The following STRADA variants were observed in gnomAD, a reference collection of about 807,000 sequenced individuals.
The protein encoded by STRADA is STE20 related adaptor alpha, also known as STE20-related kinase adapter protein alpha.
In STRADA, 26 loss-of-function variants were observed where a neutral mutation model predicts 55.0. The ratio of observed to expected loss-of-function variants is 0.47; its 90% CI spans 0.35 to 0.66. The LOEUF (loss-of-function observed/expected upper bound fraction) is 0.66. Among genes scored for constraint, STRADA ranks in the 30% least tolerant of loss-of-function variants. The pLI is 0.01. For synonymous variants in STRADA, 197 were observed against 210.9 expected, an observed-to-expected ratio of 0.93 and a Z score of 0.57; for missense variants, 443 against 549.7, an observed-to-expected ratio of 0.81 and a Z score of 1.94.
At chr17:63,732,998 C>G (rs2038176598) in intron 1 of STRADA, among the ~76,000 whole-genome samples, 1 of 152,214 alleles carries the variant, frequency 6.6e-6, no homozygotes, top group Admixed American at 6.5e-5. Context: ...TGCGATTCTC[C>G]TGCCTCGGCC....
At chr17:63,733,293 A>T (rs2038196940) in intron 1 of STRADA, among the ~76,000 whole-genome samples, 1 of 152,220 alleles carries the variant, frequency 6.6e-6, no homozygotes, top group Admixed American at 6.5e-5. Flanking sequence ...TGTTTAAGAC[A>T]TATGGGTCAT....
At chr17:63,740,107 T>TATATATATATATATATATATACATAC (rs1309095081) in intron 1 of STRADA, among the ~76,000 whole-genome samples, 2 of 49,650 alleles carry the variant, frequency 4.0e-5, no homozygotes, top group African/African-American at 1.9e-4. Flanking sequence ...TATATATATA[T>TATATATATATATATATATATACATAC]ACATACATAC....
chr17:63,711,448 T>G (rs981124600), intron 6 of STRADA, among the ~76,000 whole-genome samples: 2 of 152,170 alleles, frequency 1.3e-5, no homozygotes, highest in Middle Eastern at 3.2e-3. Flanking sequence ...CTTCCCAGGC[T>G]CAAGTCATCC....
At position 63,740,133 on chromosome 17, in the gene STRADA, T is replaced by TAC. The variant is rs2038807736; in HGVS notation, c.-45+1606_-45+1607dup. Among the ~76,000 whole-genome samples, 13 of 36,830 alleles carry TAC rather than the reference T, an allele frequency of 3.5e-4. 1 individual carries two copies. Among genetic ancestry groups the TAC allele is most frequent in the South Asian group, 1.6e-3 (1 of 642 alleles). The allele number at this position is 36,830 out of a possible 152,430, so 24.2% of individuals were successfully genotyped here. A position where few individuals can be genotyped will look rare whatever the true frequency, so the allele number is the denominator to read the frequency against. ...ACATACATACATATATATATACACA[T>TAC]ACATATATATATATACACACACACA... On this transcript the variant is annotated intron_variant, in intron 1 of 12. Transcript: ENST00000336174.
chr17:63,704,316 C>G, intron 11 of STRADA, 25 bp downstream of exon 11: 2 of 1,610,676 alleles, frequency 1.2e-6, no homozygotes, highest in Non-Finnish European at 1.7e-6. Flanking sequence ...TCTCCCGAAG[C>G]CCAGGCCCAG....
At chr17:63,717,053 T>C (rs973328382) in intron 4 of STRADA, 4 of 152,302 alleles carry the variant, frequency 2.6e-5, no homozygotes, top group African/African-American at 9.6e-5. Flanking sequence ...TGAGATAAAA[T>C]ATGTTAAGAG....
intron 8 of STRADA, 94 bp from the exon 9 acceptor site, chr17:63,707,512 TGTGTGC>T: frequency 1.7e-6 from 2 of 1,180,636 alleles, no homozygotes; most frequent in Non-Finnish European, 2.5e-6. Context: ...AGCTCTCTCC[TGTGTGC>T]GTGTGTTATA....
intron 1 of STRADA, among the ~76,000 whole-genome samples, chr17:63,728,829 T>C (rs1007106941): frequency 1.5e-4 from 23 of 150,668 alleles, no homozygotes; most frequent in African/African-American, 4.7e-4. Flanking sequence ...GAGATGGAGA[T>C]TGCAGTGAGC....
intron 1 of STRADA, among the ~76,000 whole-genome samples, chr17:63,734,149 A>T (rs2038257842): frequency 6.6e-6 from 1 of 152,254 alleles, no homozygotes; most frequent in Non-Finnish European, 1.5e-5. Context: ...AAGGCTGGCC[A>T]ATGGATGGCT....
At position 63,703,387 on chromosome 17, in the gene STRADA, GT is replaced by G. The variant is rs1427144772; in HGVS notation, c.*211del. 1.8e-6 allele frequency: 1 copy of G among 548,344 alleles called. No homozygotes were observed. Among genetic ancestry groups the G allele is most frequent in the Admixed American group, 3.4e-5 (1 of 29,502 alleles). 34.0% of individuals were successfully genotyped at this position (548,344 alleles called of 1,614,324 possible). A position where few individuals can be genotyped will look rare whatever the true frequency, so the allele number is the denominator to read the frequency against. On this transcript the variant is annotated 3_prime_UTR_variant, in exon 13 of 13. Transcript: ENST00000336174. ...CGGCTTTGGACCCTCCTGATCCCTG[GT>G]TGTTGAGATTCCCTTGTGTCTCAAA...
At chr17:63,706,911 C>T (rs1010639572) in intron 9 of STRADA, among the ~76,000 whole-genome samples, 172 bp from the exon 10 acceptor site, 9 of 152,196 alleles carry the variant, frequency 5.9e-5, no homozygotes, top group Non-Finnish European at 1.0e-4. Context: ...CTGTAACTGG[C>T]GATGCTCTGT....
At chr17:63,738,029 G>A (rs1197426827) in intron 1 of STRADA, among the ~76,000 whole-genome samples, 1 of 150,696 alleles carries the variant, frequency 6.6e-6, no homozygotes, top group East Asian at 1.9e-4. Flanking sequence ...GAAAATAAAC[G>A]AAAAGAAACG....
chr17:63,730,076 T>C (rs2037927087), intron 1 of STRADA, among the ~76,000 whole-genome samples: 1 of 152,018 alleles, frequency 6.6e-6, no homozygotes, highest in Non-Finnish European at 1.5e-5. Context: ...CTTCAGATGA[T>C]CCACCCGCCT....
intron 1 of STRADA, among the ~76,000 whole-genome samples, chr17:63,739,140 C>CAAAAAAAAAAAAAAAAAAAAAAAAAA (rs35963636): frequency 1.4e-5 from 1 of 69,396 alleles, no homozygotes; most frequent in Non-Finnish European, 2.6e-5. Context: ...GACTCCATCT[C>CAAAAAAAAAAAAAAAAAAAAAAAAAA]AAAAAAAAAA....
chr17:63,714,271 C>G (rs2036710733), intron 4 of STRADA, 163 bp from the exon 5 acceptor site: 1 of 628,476 alleles, frequency 1.6e-6, no homozygotes, highest in Non-Finnish European at 3.0e-6. Context: ...ACACTACATT[C>G]AGGGTAGTAA....
chr17:63,741,873 A>C (rs1337315643), upstream of STRADA: 1 of 152,240 alleles, frequency 6.6e-6, no homozygotes. Context: ...GACCGGGAGG[A>C]CTGATAGAGC....
At chr17:63,724,528 A>G (rs771555321) in intron 3 of STRADA, among the ~76,000 whole-genome samples, 4 of 150,930 alleles carry the variant, frequency 2.7e-5, no homozygotes, top group Non-Finnish European at 5.9e-5. Flanking sequence ...CTCCTGCCTC[A>G]GCCTCCTGAG....
intron 1 of STRADA, among the ~76,000 whole-genome samples, chr17:63,739,781 TA>T (rs369534906): frequency 3.9e-5 from 3 of 77,896 alleles, no homozygotes; most frequent in African/African-American, 8.9e-5. Flanking sequence ...TGTACATATA[TA>T]CATATAATGT....
At chr17:63,728,834 G>A (rs2036398654) in intron 1 of STRADA, among the ~76,000 whole-genome samples, 2 of 149,008 alleles carry the variant, frequency 1.3e-5, no homozygotes, top group Admixed American at 1.3e-4. Flanking sequence ...GGAGATTGCA[G>A]TGAGCCAAGA....
Sources: gnomAD v4.1 joint callset for allele counts (sites outside exome capture counted in the v4.1 genomes callset) on GRCh38, gnomAD v4.1.1 for gene constraint, MANE v1.5 for transcripts, NCBI Gene and HGNC (gene_info 2026-07-23, HGNC 2026-07-21) for gene names.